DHDH: variants seen among roughly 807,000 people sequenced by gnomAD.
DHDH encodes dihydrodiol dehydrogenase, also known as trans-1,2-dihydrobenzene-1,2-diol dehydrogenase.
A neutral mutation model predicts 33.2 loss-of-function variants in DHDH; 29 were observed. That is an observed-to-expected ratio of 0.87 (90% confidence interval 0.65 to 1.19). The LOEUF (loss-of-function observed/expected upper bound fraction) is 1.19. DHDH is among the 50% of genes most tolerant of loss of function. The pLI is 0.00. For missense variants in DHDH, 431 were observed against 455.0 expected (o/e 0.95, Z 0.48); for synonymous variants, 201 against 187.9 (o/e 1.07, Z -0.57).
chr19:48,935,470 A>G (rs1357653581), intron 2 of DHDH, among the ~76,000 whole-genome samples: 5 of 150,994 alleles, frequency 3.3e-5, no homozygotes, highest in African/African-American at 9.7e-5. Context: ...GAAGTGAGCC[A>G]AGATCGCGCC....
At chr19:48,938,254 G>A (rs1485778765) in intron 3 of DHDH, among the ~76,000 whole-genome samples, 1 of 151,856 alleles carries the variant, frequency 6.6e-6, no homozygotes, top group Non-Finnish European at 1.5e-5. Flanking sequence ...GCACCACCAC[G>A]CCCGGCTAAT....
chr19:48,944,395 G>C lies in DHDH; in HGVS notation c.783G>C (p.Val261=). The change falls in exon 6 of 7, where the codon GTG becomes GTC. Residue 261 remains valine, a synonymous_variant. Coordinates refer to ENST00000221403, the MANE Select transcript of DHDH (RefSeq NM_014475.4). ...NPCWCPTELV[V]KGEHKEFPLP... is the part of the protein sequence containing the mutation. ...GCTGGTGCCCGACCGAGCTGGTGGTGAAGGGGGAGCATAAGGAGTTCCCGC... is the reference window on the plus strand; with the variant it reads ...GCTGGTGCCCGACCGAGCTGGTGGTCAAGGGGGAGCATAAGGAGTTCCCGC... The C allele has an allele frequency of 1.9e-6, 3 of 1,614,196 alleles. No homozygotes were observed. Among genetic ancestry groups the C allele is most frequent in the South Asian group, 2.2e-5 (2 of 91,084 alleles).
intron 4 of DHDH, among the ~76,000 whole-genome samples, chr19:48,941,701 G>A (rs2037863780): frequency 6.7e-6 from 1 of 149,568 alleles, no homozygotes; most frequent in African/African-American, 2.5e-5. Context: ...TTGAGACGGG[G>A]TCTCACTCTG....
chr19:48,939,618 T>C lies in DHDH; in HGVS notation c.536T>C (p.Ile179Thr), dbSNP rs758323302. The change falls in exon 4 of 7, where the codon ATC (isoleucine) becomes ACC (threonine). Residue 179 changes from isoleucine to threonine, a missense_variant. Coordinates refer to ENST00000221403, the MANE Select transcript of DHDH (RefSeq NM_014475.4). ...QAGGALLDIG[I>T]YCVQFTSMVF... ...GGGGGGGCCCTGCTGGACATCGGCA[T>C]CTACTGTGTCCAGTTCACCTCCATG... 1.9e-6 allele frequency: 3 copies of C among 1,614,134 alleles called. No homozygotes were observed. Among genetic ancestry groups the C allele is most frequent in the South Asian group, 2.2e-5 (2 of 91,082 alleles).
Position 48,935,128 on chromosome 19 carries a change from A to T in DHDH, c.202+17A>T. 5.9e-6 allele frequency: 9 copies of T among 1,531,956 alleles called. No homozygotes were observed. The highest frequency in any genetic ancestry group is 7.0e-6 in the Non-Finnish European group (8 of 1,140,998). The allele number at this position is 1,531,956 out of a possible 1,614,324, so 94.9% of individuals were successfully genotyped here. On this transcript the variant is annotated intron_variant, in intron 2 of 6. Coordinates refer to ENST00000221403, the MANE Select transcript of DHDH (RefSeq NM_014475.4). ...CGAGCGTGGGTGAGTGGCGAGGGCG[A>T]TGGGGGTGCTGGCCGCCGCCCCTGG...
chr19:48,933,812 G>A lies in DHDH; in HGVS notation c.90+1G>A, dbSNP rs1350016727. On this transcript the variant is annotated splice_donor_variant, in intron 1 of 6. Coordinates refer to ENST00000221403, the MANE Select transcript of DHDH (RefSeq NM_014475.4). LOFTEE classifies it high-confidence loss of function. ...GACGCTGCCTCGCTCTGAGCACCAG[G>A]TCTGCCCGCCCTCCGGATTCTGGGG... 1 of 1,608,506 alleles carries A rather than the reference G, an allele frequency of 6.2e-7. No individual in the cohort carries two copies. The highest frequency in any genetic ancestry group is 1.1e-5 in the South Asian group (1 of 91,074).
At chr19:48,936,347 C>T (rs2037775275) in intron 3 of DHDH, 152 bp downstream of exon 3, 1 of 1,129,382 alleles carries the variant, frequency 8.9e-7, no homozygotes, top group African/African-American at 1.6e-5. Context: ...GCTTTTGGCC[C>T]TTAGCAAACA....
chr19:48,935,189 G>A, intron 2 of DHDH, 78 bp downstream of exon 2: 2 of 1,148,064 alleles, frequency 1.7e-6, no homozygotes, highest in South Asian at 1.6e-5. Context: ...GGAGATGCAA[G>A]GCTCCTCAGG....
upstream of DHDH, among the ~76,000 whole-genome samples, chr19:48,932,920 T>A (rs1003941973): frequency 6.6e-6 from 1 of 152,096 alleles, no homozygotes; most frequent in Non-Finnish European, 1.5e-5. Context: ...CTTTCCAGAA[T>A]AGAAAAGTGA....
intron 1 of DHDH, among the ~76,000 whole-genome samples, chr19:48,934,503 G>A (rs891600761): frequency 6.6e-6 from 1 of 152,150 alleles, no homozygotes; most frequent in Non-Finnish European, 1.5e-5. Flanking sequence ...AGTGTAAAGC[G>A]GACCATTCCC....
At chr19:48,943,094 C>T (rs1176915736) in intron 5 of DHDH, among the ~76,000 whole-genome samples, 7 of 151,338 alleles carry the variant, frequency 4.6e-5, no homozygotes, top group African/African-American at 1.5e-4. Context: ...ATCCTTGGGC[C>T]TGGCCGGCAC....
chr19:48,934,622 G>A (rs1227439431), intron 1 of DHDH, among the ~76,000 whole-genome samples: 6 of 152,170 alleles, frequency 3.9e-5, no homozygotes, highest in Non-Finnish European at 8.8e-5. Context: ...TTTGTGTAAA[G>A]TGAAACATAA....
intron 5 of DHDH, among the ~76,000 whole-genome samples, chr19:48,943,396 A>C (rs1350369242): frequency 1.3e-5 from 2 of 152,016 alleles, no homozygotes; most frequent in East Asian, 1.9e-4. Context: ...AAAAAAAAAA[A>C]ACCCTATTTT....
chr19:48,939,956 G>C (rs1308874362), intron 4 of DHDH, among the ~76,000 whole-genome samples: 1 of 152,144 alleles, frequency 6.6e-6, no homozygotes, highest in African/African-American at 2.4e-5. Flanking sequence ...CACTAATAGG[G>C]TTGTCATGGG....
chr19:48,943,937 G>C (rs1211417240), intron 5 of DHDH, among the ~76,000 whole-genome samples: 1 of 152,032 alleles, frequency 6.6e-6, no homozygotes. Flanking sequence ...GGAGGTTGCA[G>C]TGAACCGAGA....
chr19:48,932,812 AATAATT>A (rs1042395448), upstream of DHDH, among the ~76,000 whole-genome samples: 23 of 152,218 alleles, frequency 1.5e-4, no homozygotes, highest in African/African-American at 4.6e-4. Context: ...CTATATCAAT[AATAATT>A]ATAATAATAC....
At chr19:48,944,267 G>A (rs935317072) in intron 5 of DHDH, 90 bp from the exon 6 acceptor site, 15 of 1,565,668 alleles carry the variant, frequency 9.6e-6, no homozygotes, top group Middle Eastern at 2.3e-4. Context: ...TCAAGAGGGA[G>A]GCCCCTGTGC....
intron 5 of DHDH, among the ~76,000 whole-genome samples, chr19:48,942,947 A>G (rs1285577479): frequency 1.3e-5 from 2 of 151,666 alleles, no homozygotes; most frequent in African/African-American, 2.4e-5. Context: ...CCCAGCTACT[A>G]GGGAGGCTGA....
chr19:48,936,261 T>C (rs2037774153), intron 3 of DHDH, 66 bp downstream of exon 3: 2 of 1,491,614 alleles, frequency 1.3e-6, no homozygotes, highest in Admixed American at 4.3e-5. Flanking sequence ...TGGTTGCCAG[T>C]GCGCGGACGG....
Sources: gnomAD v4.1 joint callset for allele counts (sites outside exome capture counted in the v4.1 genomes callset) on GRCh38, gnomAD v4.1.1 for gene constraint, MANE v1.5 for transcripts, NCBI Gene and HGNC (gene_info 2026-07-23, HGNC 2026-07-21) for gene names.